The following MACF1 variants were observed in gnomAD, a reference collection of about 807,000 sequenced individuals.
The protein encoded by MACF1 is microtubule actin crosslinking factor 1.
MACF1 carries 193 observed loss-of-function variants against 854.8 expected under a neutral mutation model. That is an observed-to-expected ratio of 0.23 (90% CI 0.20 to 0.25). MACF1 has a LOEUF of 0.25. MACF1 is among the 10% of genes least tolerant of loss of function. The probability of loss-of-function intolerance (pLI) is 1.00; values close to 1 mark genes in which losing one functional copy is unlikely to be tolerated. For missense variants in MACF1, 7,722 were observed against 8,929.1 expected, an observed-to-expected ratio of 0.86 and a Z score of 5.45; for synonymous variants, 3,185 against 3,226.7, an observed-to-expected ratio of 0.99 and a Z score of 0.44.
rs547518679 is a variant in MACF1, at chr1:39,116,807, T to C, written c.220+32369T>C. 2.6e-5 allele frequency among the ~76,000 whole-genome samples: 4 copies of C among 152,358 alleles called. No homozygotes were observed. The South Asian group carries it at 6.2e-4, about 24-fold the overall frequency. ...CATAGAGAGAGGCTTTCCTCACTTG[T>C]GGTCTTTAATCCCCATCTCATTATC... On this transcript the variant is annotated intron_variant, in intron 2 of 93. Transcript: ENST00000361689.
intron 58 of MACF1, chr1:39,412,098 T>C (rs1370606262): frequency 1.2e-6 from 2 of 1,613,854 alleles, no homozygotes; most frequent in Middle Eastern, 1.6e-4. Flanking sequence ...ACAGGGTTTC[T>C]CATGAAGAAA....
Position 39,251,910 on chromosome 1 carries a change from A to AG in MACF1, c.328dup (p.Glu110GlyfsTer7), listed in dbSNP as rs1471113339. 3.3e-6 allele frequency: 5 copies of AG among 1,520,070 alleles called. No individual in the cohort carries two copies. In the South Asian group the frequency reaches 3.7e-5, roughly 11 times the overall value. The allele number at this position is 1,520,070 out of a possible 1,614,324, so 94.2% of individuals were successfully genotyped here. ...CCCTCCTGGTGCCATACAAACAACGAGGAGCAGGCGGAGGAAGATGATGAT... is the reference window on the plus strand; with the variant it reads ...CCCTCCTGGTGCCATACAAACAACGAGGGAGCAGGCGGAGGAAGATGATGAT... On this transcript the variant is annotated frameshift_variant, in exon 4 of 101. Coordinates refer to ENST00000564288, the MANE Select transcript of MACF1 (RefSeq NM_001394062.1). LOFTEE classifies it high-confidence loss of function.
intron 1 of MACF1, chr1:39,215,499 T>C (rs1390845743): frequency 1.3e-5 from 2 of 151,762 alleles, no homozygotes; most frequent in African/African-American, 4.8e-5. Context: ...CTTGCTCTCA[T>C]TGACTCATAG....
At position 39,115,865 on chromosome 1, in the gene MACF1, G is replaced by A. The variant is rs140937033; in HGVS notation, c.220+31427G>A. On this transcript the variant is annotated intron_variant, in intron 2 of 93. Coordinates refer to the MACF1 transcript ENST00000361689. ...AGGAGAGAAGTGAGTTTCAAGGAGA[G>A]TGTGACACACATTGTAGATTATGCA... Among the ~76,000 whole-genome samples the A allele has an allele frequency of 5.5e-3, 840 of 152,310 alleles. 9 individuals are homozygous for A. The highest frequency in any genetic ancestry group is 0.019 in the African/African-American group (798 of 41,572).
rs149844422 is a variant in MACF1 at position 39,434,476 on chromosome 1, T to C, written c.17628T>C (p.Tyr5876=). ...TTAGCCTACTCAATTCAGAGCGTTA[T>C]GCCCGCCTAGAGCGGGCCCAGGTCT... ...EAISLLNSER[Y]ARLERAQVLV... Residue 5876 remains tyrosine, a synonymous_variant, in exon 69 of 101, where the codon TAT becomes TAC. Transcript: ENST00000564288. 9.9e-5 allele frequency: 159 copies of C among 1,613,634 alleles called. No homozygotes were observed. The highest frequency in any genetic ancestry group is 1.3e-4 in the Non-Finnish European group (153 of 1,179,916).
intron 90 of MACF1, chr1:39,458,881 T>C (rs1420870622): frequency 5.5e-6 from 3 of 549,918 alleles, no homozygotes; most frequent in South Asian, 5.2e-5. Context: ...CTTGGAGATA[T>C]GTAGGCAGCA....
chr1:39,367,028 A>G (rs1324804799), intron 49 of MACF1, among the ~76,000 whole-genome samples: 1 of 145,358 alleles, frequency 6.9e-6, no homozygotes, highest in Non-Finnish European at 1.5e-5. Context: ...GCTCACTGCA[A>G]CCTCCTCCTC....
chr1:39,452,528 A>C, intron 86 of MACF1, 156 bp from the exon 87 acceptor site: 4 of 1,163,856 alleles, frequency 3.4e-6, no homozygotes, highest in Non-Finnish European at 4.9e-6. Flanking sequence ...AATTCAGTTG[A>C]TTTTCAAAGA....
At chr1:39,407,990 C>T (rs1488260558) in intron 58 of MACF1, among the ~76,000 whole-genome samples, 1 of 152,144 alleles carries the variant, frequency 6.6e-6, no homozygotes, top group Non-Finnish European at 1.5e-5. Context: ...TAACAGTCAC[C>T]AGGTGACCAA....
At position 39,268,618 on chromosome 1, in the gene MACF1, G is replaced by A. The variant is rs754273305; in HGVS notation, c.528+10590G>A. On this transcript the variant is annotated intron_variant, in intron 6 of 100. Transcript: ENST00000564288. ...ATGTTTTTAAATGTGCATCGAATCC[G>A]ATGAGGCCAAGGTTGGGATTTCTGT... 8 of 1,194,792 alleles carry A rather than the reference G, an allele frequency of 6.7e-6. No individual in the cohort carries two copies. The Admixed American group carries it at 1.4e-4, about 22-fold the overall frequency. 74.0% of individuals were successfully genotyped at this position (1,194,792 alleles called of 1,614,324 possible).
At chr1:39,125,244 G>A (rs1357720640) in intron 2 of MACF1, among the ~76,000 whole-genome samples, 1 of 152,116 alleles carries the variant, frequency 6.6e-6, no homozygotes, top group Non-Finnish European at 1.5e-5. Flanking sequence ...TTTTATCTAG[G>A]GAATTGGTTC....
chr1:39,173,351 A>AAAAAAAAAAAAG (rs1553155692), intron 2 of MACF1, among the ~76,000 whole-genome samples: 3 of 126,234 alleles, frequency 2.4e-5, no homozygotes, highest in East Asian at 2.2e-4. Context: ...AAAAAAAAAA[A>AAAAAAAAAAAAG]AAAGAAAGAA....
intron 2 of MACF1, among the ~76,000 whole-genome samples, chr1:39,099,878 C>G (rs1478289690): frequency 6.6e-6 from 1 of 152,134 alleles, no homozygotes; most frequent in Non-Finnish European, 1.5e-5. Context: ...GTACATGTAC[C>G]TGGAGTTCAA....
intron 1 of MACF1, among the ~76,000 whole-genome samples, chr1:39,218,182 CA>C (rs36113375): frequency 0.26 from 21,602 of 82,964 alleles, 568 homozygotes; most frequent in African/African-American, 0.36. Flanking sequence ...GACTCCGTCT[CA>C]AAAAAAAAAA....
At chr1:39,441,423 A>G in intron 74 of MACF1, 98 bp downstream of exon 74, 2 of 908,790 alleles carry the variant, frequency 2.2e-6, no homozygotes, top group African/African-American at 1.7e-5. Context: ...TCACCTTCAC[A>G]GGACTGCAGA....
At position 39,360,797 on chromosome 1, in the gene MACF1, C is replaced by T. The variant is rs1224805009; in HGVS notation, c.12249C>T (p.Ser4083=). 6.2e-7 allele frequency: 1 copy of T among 1,600,378 alleles called. No homozygotes were observed. The highest frequency in any genetic ancestry group is 2.3e-5 in the East Asian group (1 of 44,402). The change falls in exon 48 of 101, where the codon TCC becomes TCT. Residue 4083 remains serine, a synonymous_variant. Coordinates refer to ENST00000564288, the MANE Select transcript of MACF1 (RefSeq NM_001394062.1). Reference sequence around the variant, plus strand: ...TTTCATGGCCTGATTTTTCAGATTCCATACTCAGCCACTTCCAAAGCCTCT... The same window carrying T: ...TTTCATGGCCTGATTTTTCAGATTCTATACTCAGCCACTTCCAAAGCCTCT... The part of the protein sequence containing the change: ...DHRHVQETTD[S]ILSHFQSLSY...
intron 58 of MACF1, among the ~76,000 whole-genome samples, chr1:39,389,177 G>C (rs1641926114): frequency 6.6e-6 from 1 of 151,536 alleles, no homozygotes; most frequent in Admixed American, 6.6e-5. Context: ...CGCCCAGCCA[G>C]AGCATTTTTC....
chr1:39,433,189 C>T, intron 68 of MACF1, 34 bp downstream of exon 68: 1 of 1,302,410 alleles, frequency 7.7e-7, no homozygotes, highest in Non-Finnish European at 1.1e-6. Flanking sequence ...CATATTGTTC[C>T]TGTTTTTATC....
In MACF1 at chr1:39,331,172, CTTTTTTTT is replaced by C. The variant is rs71060310; in HGVS notation, c.4615-10_4615-3del. On this transcript the variant is annotated intron_variant, in intron 36 of 100. Coordinates refer to ENST00000564288, the MANE Select transcript of MACF1 (RefSeq NM_001394062.1). ...TCAGTTTTCTTTTTCTTCTCTTTTC[CTTTTTTTT>C]TTTTTTTTTTTTTTTTTTTTAGGAA... The C allele has an allele frequency of 1.7e-4, 222 of 1,302,628 alleles. No individual in the cohort carries two copies. The African/African-American group carries it at 3.2e-3, about 19-fold the overall frequency. 80.7% of individuals were successfully genotyped at this position (1,302,628 alleles called of 1,614,324 possible). A position where few individuals can be genotyped will look rare whatever the true frequency, so the allele number is the denominator to read the frequency against.
Sources: gnomAD v4.1 joint callset for allele counts (sites outside exome capture counted in the v4.1 genomes callset) on GRCh38, gnomAD v4.1.1 for gene constraint, MANE v1.5 for transcripts, NCBI Gene and HGNC (gene_info 2026-07-23, HGNC 2026-07-21) for gene names.